The following LYPLAL1 variants were observed in gnomAD, a reference collection of about 807,000 sequenced individuals.
The protein encoded by LYPLAL1 is lysophospholipase-like protein 1.
In LYPLAL1, 23 loss-of-function variants were observed where a neutral mutation model predicts 19.7. The observed-to-expected ratio is 1.17, with a 90% CI of 0.84 to 1.65. The LOEUF (loss-of-function observed/expected upper bound fraction) is 1.65. Among genes scored for constraint, LYPLAL1 ranks in the 40% most tolerant of loss-of-function variants. LYPLAL1 has a pLI of 0.00. For missense variants in LYPLAL1, 355 were observed against 279.4 expected, an observed-to-expected ratio of 1.27 and a Z score of -1.93; for synonymous variants, 119 against 96.3, an observed-to-expected ratio of 1.24 and a Z score of -1.38.
At chr1:219,333,751 A>G in the LYPLAL1 span, among the ~76,000 whole-genome samples, 1 of 152,076 alleles carries the variant, frequency 6.6e-6, no homozygotes, top group Admixed American at 6.6e-5. Flanking sequence ...TCTCAGGTCT[A>G]GCTTTTCTTC....
chr1:219,271,578 T>C, the LYPLAL1 span: 2 of 152,218 alleles, frequency 1.3e-5, no homozygotes, highest in Admixed American at 1.3e-4. Flanking sequence ...TTAGCTAATG[T>C]TCATCTTTAA....
At chr1:219,239,972 C>T in the LYPLAL1 span, among the ~76,000 whole-genome samples, 6 of 152,202 alleles carry the variant, frequency 3.9e-5, no homozygotes, top group Admixed American at 1.3e-4. Flanking sequence ...CACAGTATTT[C>T]TACTATCATT....
chr1:219,387,078 G>A, the LYPLAL1 span, among the ~76,000 whole-genome samples: 1 of 152,002 alleles, frequency 6.6e-6, no homozygotes, highest in Admixed American at 6.6e-5. Context: ...TCAAAATCCT[G>A]CATAATCTGG....
the LYPLAL1 span, among the ~76,000 whole-genome samples, chr1:219,225,900 T>A: frequency 1.7e-4 from 26 of 152,266 alleles, no homozygotes; most frequent in South Asian, 1.0e-3. Flanking sequence ...TGCCAATATT[T>A]CCTGGACGTG....
the LYPLAL1 span, among the ~76,000 whole-genome samples, chr1:219,306,761 G>GATAGATAT: frequency 6.6e-6 from 1 of 150,382 alleles, no homozygotes; most frequent in Non-Finnish European, 1.5e-5. Flanking sequence ...TAGATAGATA[G>GATAGATAT]ATAGATAGAT....
chr1:219,293,327 C>CA, the LYPLAL1 span, among the ~76,000 whole-genome samples: 1 of 151,632 alleles, frequency 6.6e-6, no homozygotes, highest in African/African-American at 2.4e-5. Context: ...TATTTCCCCC[C>CA]AAAAAAATAG....
the LYPLAL1 span, among the ~76,000 whole-genome samples, chr1:219,381,317 A>C: frequency 2.6e-5 from 4 of 152,130 alleles, no homozygotes; most frequent in African/African-American, 9.7e-5. Context: ...CAGCTGTGCG[A>C]AACTGTGAGT....
the LYPLAL1 span, among the ~76,000 whole-genome samples, chr1:219,386,169 C>T: frequency 2.6e-5 from 4 of 152,200 alleles, no homozygotes; most frequent in Admixed American, 2.0e-4. Context: ...AAGCCTACCT[C>T]CTCTGCCAGT....
chr1:219,350,198 C>T, the LYPLAL1 span, among the ~76,000 whole-genome samples: 1 of 152,124 alleles, frequency 6.6e-6, no homozygotes, highest in African/African-American at 2.4e-5. Context: ...CTCATGTTTT[C>T]CATTCAGATC....
At position 219,212,612 on chromosome 1, in the gene LYPLAL1, G is replaced by A. The variant is rs1336517139; in HGVS notation, c.*884G>A. 6.6e-6 allele frequency: 1 copy of A among 151,944 alleles called. No individual in the cohort carries two copies. The highest frequency in any genetic ancestry group is 1.5e-5 in the Non-Finnish European group (1 of 67,910). The allele number at this position is 151,944 out of a possible 1,614,324, so 9.4% of individuals were successfully genotyped here. A position where few individuals can be genotyped will look rare whatever the true frequency, so the allele number is the denominator to read the frequency against. On this transcript the variant is annotated 3_prime_UTR_variant, in exon 5 of 5. Coordinates refer to ENST00000366928, the MANE Select transcript of LYPLAL1 (RefSeq NM_138794.5). ...CTAATTTTATTTGATCCTCACAACT[G>A]TTTAAGTTTTATTAAATATACATTA...
the LYPLAL1 span, among the ~76,000 whole-genome samples, chr1:219,256,302 G>A: frequency 6.6e-6 from 1 of 151,804 alleles, no homozygotes; most frequent in South Asian, 2.1e-4. Flanking sequence ...CAAGAAATGT[G>A]TACATTTTAC....
At chr1:219,307,282 A>T in the LYPLAL1 span, among the ~76,000 whole-genome samples, 1 of 152,128 alleles carries the variant, frequency 6.6e-6, no homozygotes, top group Non-Finnish European at 1.5e-5. Flanking sequence ...GGTGTGGCTT[A>T]TAACGATCTC....
At chr1:219,195,011 C>T (rs1657492668) in intron 3 of LYPLAL1, among the ~76,000 whole-genome samples, 2 of 151,988 alleles carry the variant, frequency 1.3e-5, no homozygotes, top group Non-Finnish European at 1.5e-5. Context: ...AACGTGATGG[C>T]ATAATGGTGA....
chr1:219,433,609 G>A, the LYPLAL1 span, among the ~76,000 whole-genome samples: 6 of 152,124 alleles, frequency 3.9e-5, no homozygotes, highest in East Asian at 3.9e-4. Context: ...ACTCAGCCAC[G>A]TGAGAGCTGA....
chr1:219,415,726 C>G, the LYPLAL1 span, among the ~76,000 whole-genome samples: 1 of 152,176 alleles, frequency 6.6e-6, no homozygotes, highest in African/African-American at 2.4e-5. Context: ...TCTCCCAGTT[C>G]TAGGGTCTTA....
chr1:219,179,236 G>A lies in LYPLAL1; in HGVS notation c.181G>A (p.Ala61Thr). ...FQHIKIIYPT[A>T]PPRSYTPMKG... Reference sequence around the variant, plus strand: ...ACACATAAAAATTATTTATCCAACAGCTCCTCCCAGGTATGCAGTAATTTA... The same window carrying A: ...ACACATAAAAATTATTTATCCAACAACTCCTCCCAGGTATGCAGTAATTTA... The change falls in exon 2 of 5, where the codon GCT becomes ACT. Residue 61 changes from alanine (A) to threonine (T), a missense_variant. Physicochemically the swap from Ala to Thr is moderately conservative, Grantham distance 58. Coordinates refer to ENST00000366928, the MANE Select transcript of LYPLAL1 (RefSeq NM_138794.5). 6.2e-7 allele frequency: 1 copy of A among 1,606,554 alleles called. No individual in the cohort carries two copies. The highest frequency in any genetic ancestry group is 8.5e-7 in the Non-Finnish European group (1 of 1,174,424).
At chr1:219,400,053 C>T in the LYPLAL1 span, among the ~76,000 whole-genome samples, 1 of 152,110 alleles carries the variant, frequency 6.6e-6, no homozygotes, top group Non-Finnish European at 1.5e-5. Flanking sequence ...GAGCATGTTG[C>T]TTCTTGCCAG....
At chr1:219,364,265 T>G in the LYPLAL1 span, among the ~76,000 whole-genome samples, 1 of 152,162 alleles carries the variant, frequency 6.6e-6, no homozygotes, top group African/African-American at 2.4e-5. Context: ...CCTTACTGTG[T>G]ATATGTACAT....
At chr1:219,286,474 C>T in the LYPLAL1 span, among the ~76,000 whole-genome samples, 1 of 152,020 alleles carries the variant, frequency 6.6e-6, no homozygotes, top group Admixed American at 6.6e-5. Flanking sequence ...CAGTCAAGGT[C>T]ACTAAGAAAA....
Sources: gnomAD v4.1 joint callset for allele counts (sites outside exome capture counted in the v4.1 genomes callset) on GRCh38, gnomAD v4.1.1 for gene constraint, MANE v1.5 for transcripts, NCBI Gene and HGNC (gene_info 2026-07-23, HGNC 2026-07-21) for gene names.